The following CDK14 variants were observed in gnomAD, a reference collection of about 807,000 sequenced individuals.
The protein encoded by CDK14 is cyclin-dependent kinase 14.
Under a neutral mutation model 60.7 loss-of-function variants are expected in CDK14, and 34 were observed. The ratio of observed to expected loss-of-function variants is 0.56; its 90% CI spans 0.43 to 0.75. CDK14 has a LOEUF of 0.75. Ranked by LOEUF, CDK14 falls within the 30% of genes least tolerant of loss-of-function variation. The pLI is 0.00. For missense variants in CDK14, 482 were observed against 564.1 expected, an observed-to-expected ratio of 0.85 and a Z score of 1.47; for synonymous variants, 197 against 203.7, an observed-to-expected ratio of 0.97 and a Z score of 0.28.
intron 2 of CDK14, among the ~76,000 whole-genome samples, chr7:90,650,316 T>C (rs1368532142): frequency 6.6e-6 from 1 of 152,228 alleles, no homozygotes; most frequent in African/African-American, 2.4e-5. Flanking sequence ...TTTGTTTTTT[T>C]CTTGTAAATT....
chr7:91,076,988 A>G (rs752506033), intron 11 of CDK14, among the ~76,000 whole-genome samples: 10 of 152,228 alleles, frequency 6.6e-5, no homozygotes, highest in Non-Finnish European at 1.2e-4. Context: ...TTAAAAAGTC[A>G]AGATACAGTA....
At chr7:90,866,530 T>C (rs976673748) in intron 6 of CDK14, among the ~76,000 whole-genome samples, 1 of 152,150 alleles carries the variant, frequency 6.6e-6, no homozygotes, top group African/African-American at 2.4e-5. Flanking sequence ...TAATTTAAGA[T>C]TCATTAGATA....
chr7:91,042,991 T>C (rs1797131935), intron 10 of CDK14, among the ~76,000 whole-genome samples: 1 of 152,230 alleles, frequency 6.6e-6, no homozygotes, highest in Admixed American at 6.5e-5. Context: ...TCTTTTCCTT[T>C]GCCCACTTTC....
intron 14 of CDK14, among the ~76,000 whole-genome samples, chr7:91,134,431 A>T (rs567569947): frequency 1.9e-3 from 285 of 152,260 alleles, no homozygotes; most frequent in African/African-American, 6.5e-3. Flanking sequence ...ACTATTTGCA[A>T]AAGGTCAGAA....
chr7:90,651,185 T>C lies in CDK14; in HGVS notation c.123+46936T>C, dbSNP rs543001729. Reference sequence around the variant, plus strand: ...AGAGGTCCTTCACATCCCTTGTAAGTTGGATTCCTAGGTATTTTATTCTCT... The same window carrying C: ...AGAGGTCCTTCACATCCCTTGTAAGCTGGATTCCTAGGTATTTTATTCTCT... On this transcript the variant is annotated intron_variant, in intron 2 of 14. Transcript: ENST00000380050. Among the ~76,000 whole-genome samples the C allele has an allele frequency of 2.0e-5, 3 of 152,326 alleles. No individual in the cohort carries two copies. In the East Asian group the frequency reaches 5.8e-4, roughly 29 times the overall value.
At chr7:91,010,793 C>T (rs573651446) in intron 10 of CDK14, among the ~76,000 whole-genome samples, 1 of 123,762 alleles carries the variant, frequency 8.1e-6, no homozygotes, top group South Asian at 2.7e-4. Context: ...TCTTTCCCTC[C>T]TTCCTTCTTT....
chr7:90,657,983 C>T (rs1234164583), intron 2 of CDK14, among the ~76,000 whole-genome samples: 1 of 152,128 alleles, frequency 6.6e-6, no homozygotes, highest in South Asian at 2.1e-4. Flanking sequence ...ACTGTAGGAT[C>T]AATTATTATG....
intron 5 of CDK14, among the ~76,000 whole-genome samples, chr7:90,812,159 C>T (rs1476715298): frequency 6.6e-6 from 1 of 152,218 alleles, no homozygotes; most frequent in Admixed American, 6.5e-5. Flanking sequence ...TATAAAGACA[C>T]ATGCCCATGT....
intron 2 of CDK14, among the ~76,000 whole-genome samples, chr7:90,682,944 G>A (rs1411751080): frequency 6.6e-6 from 1 of 152,166 alleles, no homozygotes; most frequent in Admixed American, 6.5e-5. Context: ...ACATCTGGAG[G>A]CACATGGCGT....
At chr7:90,907,616 CT>C (rs1044571738) in intron 7 of CDK14, among the ~76,000 whole-genome samples, 1 of 151,900 alleles carries the variant, frequency 6.6e-6, no homozygotes, top group Non-Finnish European at 1.5e-5. Flanking sequence ...CACATTTGCC[CT>C]TTTTTTGTGA....
At chr7:91,069,823 G>T (rs1161916131) in intron 11 of CDK14, among the ~76,000 whole-genome samples, 2 of 152,186 alleles carry the variant, frequency 1.3e-5, no homozygotes, top group East Asian at 1.9e-4. Flanking sequence ...TTAGCACAGG[G>T]TCTTGCTCTG....
chr7:91,002,839 G>A (rs1007217612), intron 10 of CDK14, among the ~76,000 whole-genome samples: 1 of 152,110 alleles, frequency 6.6e-6, no homozygotes, highest in Admixed American at 6.5e-5. Context: ...TTGGGAGGCC[G>A]AGACGGGTGG....
At chr7:90,997,091 G>T (rs889462891) in intron 10 of CDK14, among the ~76,000 whole-genome samples, 2 of 152,118 alleles carry the variant, frequency 1.3e-5, no homozygotes, top group African/African-American at 4.8e-5. Context: ...ATTTTTCTCT[G>T]ATTTTTCAAT....
intron 12 of CDK14, among the ~76,000 whole-genome samples, chr7:91,083,761 C>A (rs1798548520): frequency 6.6e-6 from 1 of 152,076 alleles, no homozygotes; most frequent in African/African-American, 2.4e-5. Context: ...TGGTGGGAGT[C>A]CTAGAGAGCC....
At chr7:90,717,492 G>A (rs1293576159) in intron 2 of CDK14, among the ~76,000 whole-genome samples, 4 of 152,128 alleles carry the variant, frequency 2.6e-5, no homozygotes, top group Non-Finnish European at 5.9e-5. Context: ...GTCCTCAAGA[G>A]TCCTCCATTC....
At chr7:90,885,715 C>G (rs1163441335) in intron 6 of CDK14, among the ~76,000 whole-genome samples, 1 of 152,154 alleles carries the variant, frequency 6.6e-6, no homozygotes, top group Non-Finnish European at 1.5e-5. Flanking sequence ...CACATATACA[C>G]CATGGAATGC....
At chr7:90,931,838 TC>T (rs1793601861) in intron 8 of CDK14, among the ~76,000 whole-genome samples, 1 of 151,890 alleles carries the variant, frequency 6.6e-6, no homozygotes, top group Admixed American at 6.6e-5. Flanking sequence ...GTCTTAGAGG[TC>T]CCCCCACAAC....
intron 14 of CDK14, among the ~76,000 whole-genome samples, chr7:91,143,793 T>C (rs1220842517): frequency 6.6e-6 from 1 of 151,844 alleles, no homozygotes; most frequent in Admixed American, 6.6e-5. Context: ...TTGAGCACTT[T>C]ACATGAGTAA....
intron 10 of CDK14, among the ~76,000 whole-genome samples, chr7:91,017,172 T>C (rs1169754036): frequency 3.3e-5 from 5 of 152,186 alleles, no homozygotes; most frequent in African/African-American, 7.2e-5. Context: ...TTAAGAGTGA[T>C]TGACTTAAGA....
Sources: gnomAD v4.1 joint callset for allele counts (sites outside exome capture counted in the v4.1 genomes callset) on GRCh38, gnomAD v4.1.1 for gene constraint, MANE v1.5 for transcripts, NCBI Gene and HGNC (gene_info 2026-07-23, HGNC 2026-07-21) for gene names.